The following CHLSN variants were observed in gnomAD, a reference collection of about 807,000 sequenced individuals.
CHLSN encodes protein cholesin.
At chr7:1,119,858 C>A in the CHLSN span, among the ~76,000 whole-genome samples, 1 of 135,370 alleles carries the variant, frequency 7.4e-6, no homozygotes. Flanking sequence ...GCCTGGGCAA[C>A]AAGAGCGAAA....
the CHLSN span, chr7:1,127,498 ATTATGG>A: frequency 2.8e-6 from 3 of 1,053,960 alleles, no homozygotes; most frequent in Non-Finnish European, 4.0e-6. Flanking sequence ...AAAAAAGAGT[ATTATGG>A]AAAACATATA....
chr7:1,051,857 A>G, the CHLSN span, among the ~76,000 whole-genome samples: 4 of 152,202 alleles, frequency 2.6e-5, no homozygotes, highest in Admixed American at 2.0e-4. Flanking sequence ...ACATGCCTGT[A>G]GTCCCAGCTT....
At chr7:1,070,562 GCA>G in the CHLSN span, among the ~76,000 whole-genome samples, 3 of 143,254 alleles carry the variant, frequency 2.1e-5, no homozygotes, top group South Asian at 2.3e-4. Flanking sequence ...GCACACACGT[GCA>G]CACACGCAAA....
the CHLSN span, among the ~76,000 whole-genome samples, chr7:993,593 A>G: frequency 6.6e-6 from 1 of 152,090 alleles, no homozygotes; most frequent in Admixed American, 6.5e-5. Context: ...TGGGCAACAC[A>G]GTGAGGCCCC....
At chr7:1,087,643 T>C in the CHLSN span, among the ~76,000 whole-genome samples, 1 of 152,244 alleles carries the variant, frequency 6.6e-6, no homozygotes, top group Non-Finnish European at 1.5e-5. Context: ...GCTTAACCAG[T>C]ACTCAGATTC....
chr7:1,016,449 AC>A, the CHLSN span, among the ~76,000 whole-genome samples: 1 of 140,502 alleles, frequency 7.1e-6, no homozygotes, highest in Non-Finnish European at 1.5e-5. Context: ...ACGCCAGCAC[AC>A]AGCAGCGCAC....
chr7:1,123,999 C>T, the CHLSN span, among the ~76,000 whole-genome samples: 40 of 152,300 alleles, frequency 2.6e-4, no homozygotes, highest in East Asian at 7.0e-3. The surrounding 1 kb of genome is among the most constrained non-coding windows in gnomAD (Gnocchi z 4.4). Flanking sequence ...AACTCCACGC[C>T]AGTGGCCGGA....
chr7:1,005,732 G>A, the CHLSN span, among the ~76,000 whole-genome samples: 1 of 152,258 alleles, frequency 6.6e-6, no homozygotes, highest in African/African-American at 2.4e-5. Flanking sequence ...GGGACCTGAG[G>A]AGGGTGGGCT....
the CHLSN span, among the ~76,000 whole-genome samples, chr7:1,067,938 C>T: frequency 6.6e-6 from 1 of 152,116 alleles, no homozygotes. Context: ...AGTTTTCACA[C>T]AGGCTGGAGT....
At chr7:1,036,059 G>A in the CHLSN span, among the ~76,000 whole-genome samples, 2 of 152,206 alleles carry the variant, frequency 1.3e-5, no homozygotes, top group Admixed American at 1.3e-4. Context: ...TCTGGAACAG[G>A]TAGCACCATG....
the CHLSN span, among the ~76,000 whole-genome samples, chr7:1,116,342 G>A: frequency 1.4e-5 from 2 of 140,284 alleles, no homozygotes; most frequent in East Asian, 2.4e-4. Context: ...CGCCCATGCA[G>A]GATGATGACA....
chr7:1,092,487 G>T, the CHLSN span: 1 of 1,607,442 alleles, frequency 6.2e-7, no homozygotes. Flanking sequence ...TGCGGCCCCG[G>T]CGGCAGAAGG....
the CHLSN span, chr7:1,093,112 G>A: frequency 0.081 from 52,794 of 652,682 alleles, 2,447 homozygotes; most frequent in Admixed American, 0.12. Flanking sequence ...AAAGGCCAGC[G>A]GTGACCAGCC....
the CHLSN span, among the ~76,000 whole-genome samples, chr7:1,052,282 C>T: frequency 3.9e-5 from 6 of 152,362 alleles, no homozygotes; most frequent in South Asian, 2.1e-4. This position sits in a 1 kb window ranked among gnomAD's most constrained non-coding sequence, Gnocchi z 4.2. Flanking sequence ...TGACCTGCAG[C>T]GTCCAGCTCG....
chr7:1,042,069 C>G, the CHLSN span, among the ~76,000 whole-genome samples: 1 of 152,020 alleles, frequency 6.6e-6, no homozygotes, highest in Non-Finnish European at 1.5e-5. Flanking sequence ...GGGCATCCCC[C>G]ACCCGCAACA....
At chr7:1,118,023 A>G in the CHLSN span, among the ~76,000 whole-genome samples, 1 of 152,210 alleles carries the variant, frequency 6.6e-6, no homozygotes, top group Non-Finnish European at 1.5e-5. Context: ...CCAGTGTCAC[A>G]TGCTGCCCAT....
chr7:1,112,843 A>G, the CHLSN span, among the ~76,000 whole-genome samples: 2 of 152,188 alleles, frequency 1.3e-5, no homozygotes, highest in Admixed American at 1.3e-4. Flanking sequence ...GTAAACATCT[A>G]AACATGCATG....
At chr7:1,110,650 G>A in the CHLSN span, among the ~76,000 whole-genome samples, 1 of 152,236 alleles carries the variant, frequency 6.6e-6, no homozygotes, top group Non-Finnish European at 1.5e-5. Context: ...CGGCCACAGC[G>A]CTGTGGGGCG....
At chr7:1,080,631 G>A in the CHLSN span, among the ~76,000 whole-genome samples, 16 of 152,346 alleles carry the variant, frequency 1.1e-4, 1 homozygote, top group South Asian at 1.2e-3. Context: ...CCTCTGTGGT[G>A]AAAGCCAAAA....
Sources: gnomAD v4.1 joint callset for allele counts (sites outside exome capture counted in the v4.1 genomes callset) on GRCh38, gnomAD v4.1.1 for gene constraint, Gnocchi (gnomAD v3.1) non-coding constraint, MANE v1.5 for transcripts, NCBI Gene and HGNC (gene_info 2026-07-23, HGNC 2026-07-21) for gene names.